Variants in SYT7 observed in about 807,000 individuals in gnomAD.
SYT7 encodes the protein synaptotagmin 7.
SYT7 carries 29 observed loss-of-function variants against 75.1 expected under a neutral mutation model. The observed-to-expected ratio is 0.39, with a 90% CI of 0.29 to 0.53. The LOEUF (loss-of-function observed/expected upper bound fraction) is 0.53. SYT7 is among the 20% of genes least tolerant of loss of function. SYT7 has a pLI of 0.77. For missense variants in SYT7, 693 were observed against 953.2 expected, an observed-to-expected ratio of 0.73 and a Z score of 3.59; for synonymous variants, 376 against 401.7, an observed-to-expected ratio of 0.94 and a Z score of 0.76.
rs1193144880 is a variant in SYT7 at position 61,524,410 on chromosome 11, G to C, written c.1594C>G (p.Gln532Glu). The C allele has an allele frequency of 6.2e-7, 1 of 1,614,150 alleles. No homozygotes were observed. The highest frequency in any genetic ancestry group is 8.5e-7 in the Non-Finnish European group (1 of 1,179,994). ...SIPLNKVDLT[Q>E]MQTFWKDLKP... Reference sequence around the variant, plus strand: ...AGATCCTTCCAGAAGGTCTGCATCTGGGTCAGGTCCACCTTGTTAAGGGGG... The same window carrying C: ...AGATCCTTCCAGAAGGTCTGCATCTCGGTCAGGTCCACCTTGTTAAGGGGG... Residue 532 changes from glutamine (Q) to glutamate (E), a missense_variant, in exon 10 of 13, where the codon CAG (glutamine) becomes GAG (glutamate). Physicochemically the swap from Gln to Glu is conservative, Grantham distance 29 (BLOSUM62 2). This residue lies in a region of SYT7 where 206 missense variants were observed against 360.0 expected (regional missense o/e 0.57). Transcript: ENST00000539008. The surrounding 1 kb of genome is among the most constrained non-coding windows in gnomAD (Gnocchi z 4.1).
rs1029478736 is a variant in SYT7 at position 61,514,085 on chromosome 11, G to A, written c.*4542C>T. Among the ~76,000 whole-genome samples, 2 of 152,158 alleles carry A rather than the reference G, an allele frequency of 1.3e-5. No individual in the cohort carries two copies. The highest frequency in any genetic ancestry group is 2.4e-5 in the African/African-American group (1 of 41,414). On this transcript the variant is annotated 3_prime_UTR_variant, in exon 13 of 13. Transcript: ENST00000539008. ...GGGGTGGGGGAGCATCTCAGAGCAG[G>A]CATGGACGAAGACAGACCCAGAGAA...
chr11:61,569,634 G>A (rs1162936766), intron 1 of SYT7, among the ~76,000 whole-genome samples: 2 of 152,074 alleles, frequency 1.3e-5, no homozygotes, highest in Non-Finnish European at 1.5e-5. Flanking sequence ...AAGTGAGAAG[G>A]TGCCCCAGAA....
chr11:61,584,841 C>T (rs371133742), upstream of SYT7, among the ~76,000 whole-genome samples: 39 of 152,290 alleles, frequency 2.6e-4, 1 homozygote, highest in African/African-American at 8.4e-4. Context: ...TTGGGGAGGG[C>T]CTGAGCCTCT....
chr11:61,521,678 T>C (rs1357023259), intron 12 of SYT7, among the ~76,000 whole-genome samples: 1 of 152,230 alleles, frequency 6.6e-6, no homozygotes, highest in African/African-American at 2.4e-5. Flanking sequence ...CTCCCTTCCC[T>C]GTGGGTATCC....
At chr11:61,573,319 G>A (rs2063976285) in intron 1 of SYT7, among the ~76,000 whole-genome samples, 1 of 152,208 alleles carries the variant, frequency 6.6e-6, no homozygotes, top group Admixed American at 6.5e-5. Context: ...AGGCACCTGG[G>A]AAGCCCCCTC....
At chr11:61,573,071 GA>G (rs61148679) in intron 1 of SYT7, among the ~76,000 whole-genome samples, 4,960 of 151,452 alleles carry the variant, frequency 0.033, 291 homozygotes, top group African/African-American at 0.11. Context: ...TGGGCATGGA[GA>G]GGGGGGGTGG....
At position 61,514,395 on chromosome 11, in the gene SYT7, C is replaced by T. The variant is rs966073474; in HGVS notation, c.*4232G>A. ...TTGGATGGGGTACTTAGTGCAGCTC[C>T]GGGAGGCAGCTGCTGGCCCCAAGTG... is the stretch of plus-strand genomic sequence containing the variant. On this transcript the variant is annotated 3_prime_UTR_variant, in exon 13 of 13. Transcript: ENST00000539008. Among the ~76,000 whole-genome samples the T allele has an allele frequency of 2.0e-5, 3 of 152,190 alleles. No homozygotes were observed. The highest frequency in any genetic ancestry group is 6.5e-5 in the Admixed American group (1 of 15,284).
In SYT7 at chr11:61,546,433, C is replaced by CAGAG. The variant is rs139499352; in HGVS notation, c.348-182_348-179dup. 5.5e-6 allele frequency: 3 copies of CAGAG among 547,272 alleles called. No individual in the cohort carries two copies. The highest frequency in any genetic ancestry group is 4.0e-5 in the African/African-American group (2 of 50,098). 33.9% of individuals were successfully genotyped at this position (547,272 alleles called of 1,614,324 possible). On this transcript the variant is annotated intron_variant, in intron 4 of 12. Transcript: ENST00000539008. The surrounding 1 kb of genome is among the most constrained non-coding windows in gnomAD (Gnocchi z 7.6). ...GAGAGACAGACGGACATGAGACAGACAGAGAGAGAGAGAGAGACATCAGCA... is the reference window on the plus strand; with the variant it reads ...GAGAGACAGACGGACATGAGACAGACAGAGAGAGAGAGAGAGAGAGACATCAGCA...
chr11:61,520,208 T>TC (rs1463432108), intron 12 of SYT7, among the ~76,000 whole-genome samples: 5 of 152,074 alleles, frequency 3.3e-5, no homozygotes, highest in African/African-American at 4.8e-5. Flanking sequence ...GTGTATTTTT[T>TC]TTTTTTTTTA....
chr11:61,532,301 G>A (rs540134314), intron 8 of SYT7, among the ~76,000 whole-genome samples: 1 of 152,142 alleles, frequency 6.6e-6, no homozygotes, highest in African/African-American at 2.4e-5. Context: ...TCTTTGGAAA[G>A]TACAGGTGGG....
the SYT7 span, among the ~76,000 whole-genome samples, chr11:61,587,952 G>T: frequency 3.3e-4 from 50 of 152,344 alleles, 1 homozygote; most frequent in Admixed American, 2.7e-3. Context: ...ACTCTCTGAG[G>T]GATCCCCAAC....
intron 1 of SYT7, among the ~76,000 whole-genome samples, chr11:61,569,282 A>T (rs897596910): frequency 3.3e-5 from 5 of 151,990 alleles, no homozygotes; most frequent in Non-Finnish European, 7.4e-5. Context: ...GGGGTTGTGG[A>T]GGTACTGGGT....
rs961297597 is a variant in SYT7 at position 61,541,178 on chromosome 11, T to G, written c.941+1033A>C. The G allele has an allele frequency of 4.1e-6, 4 of 985,562 alleles. No individual in the cohort carries two copies. The Admixed American group carries it at 2.5e-4, about 61-fold the overall frequency. 61.1% of individuals were successfully genotyped at this position (985,562 alleles called of 1,614,324 possible). ...CTTGCTTGCCTTCAGAATCCCTATA[T>G]CTTGCCAATGCTTCCCTTTCCTCCT... On this transcript the variant is annotated intron_variant, in intron 6 of 12. Coordinates refer to ENST00000539008, the MANE Select transcript of SYT7 (RefSeq NM_001365809.2).
At chr11:61,559,436 G>T (rs1018546645) in intron 1 of SYT7, among the ~76,000 whole-genome samples, 2 of 152,202 alleles carry the variant, frequency 1.3e-5, no homozygotes, top group Non-Finnish European at 1.5e-5. Context: ...GGCCTGATGG[G>T]GAAGGGGCTT....
intron 12 of SYT7, among the ~76,000 whole-genome samples, chr11:61,520,610 A>G (rs1230508222): frequency 1.3e-5 from 2 of 151,816 alleles, no homozygotes; most frequent in African/African-American, 4.8e-5. Context: ...GGATTGCTTG[A>G]GGTCAGGAGT....
At position 61,580,142 on chromosome 11, in the gene SYT7, C is replaced by T. The variant is rs954993115; in HGVS notation, c.31+648G>A. ...GGAGAGAGTTTGGGGTTGTTTGCTTCCCCCTCCCCAAACCTAGGAGAACAT... is the reference window on the plus strand; with the variant it reads ...GGAGAGAGTTTGGGGTTGTTTGCTTTCCCCTCCCCAAACCTAGGAGAACAT... On this transcript the variant is annotated intron_variant, in intron 1 of 12. Coordinates refer to ENST00000539008, the MANE Select transcript of SYT7 (RefSeq NM_001365809.2). The surrounding 1 kb of genome is among the most constrained non-coding windows in gnomAD (Gnocchi z 6.1). Among the ~76,000 whole-genome samples the T allele has an allele frequency of 6.6e-6, 1 of 151,000 alleles. No homozygotes were observed. The highest frequency in any genetic ancestry group is 1.5e-5 in the Non-Finnish European group (1 of 67,768).
chr11:61,540,304 G>T, intron 6 of SYT7: 1 of 177,066 alleles, frequency 5.6e-6, no homozygotes, highest in Non-Finnish European at 1.1e-5. Flanking sequence ...CCTCTCTACT[G>T]GAGCCACCAG....
At position 61,576,008 on chromosome 11, in the gene SYT7, C is replaced by T. The variant is rs376152948; in HGVS notation, c.31+4782G>A. ...CCCGGTCCATTCTATCCCAAGGGGTCCTTCCAGGTGGAGGCTGCAGAGACT... is the reference window on the plus strand; with the variant it reads ...CCCGGTCCATTCTATCCCAAGGGGTTCTTCCAGGTGGAGGCTGCAGAGACT... On this transcript the variant is annotated intron_variant, in intron 1 of 12. Coordinates refer to ENST00000539008, the MANE Select transcript of SYT7 (RefSeq NM_001365809.2). The surrounding 1 kb of genome is among the most constrained non-coding windows in gnomAD (Gnocchi z 4.1). 2.0e-5 allele frequency among the ~76,000 whole-genome samples: 3 copies of T among 152,304 alleles called. No homozygotes were observed. Among genetic ancestry groups the T allele is most frequent in the East Asian group, 3.9e-4 (2 of 5,186 alleles).
At chr11:61,571,594 A>C (rs906772279) in intron 1 of SYT7, among the ~76,000 whole-genome samples, 14 of 152,084 alleles carry the variant, frequency 9.2e-5, no homozygotes, top group Non-Finnish European at 1.9e-4. Flanking sequence ...CGGCACCCCC[A>C]TCCACACTGC....
Sources: gnomAD v4.1 joint callset for allele counts (sites outside exome capture counted in the v4.1 genomes callset) on GRCh38, gnomAD v4.1.1 for gene constraint, gnomAD v4.1.1 regional missense constraint, Gnocchi (gnomAD v3.1) non-coding constraint, MANE v1.5 for transcripts, NCBI Gene and HGNC (gene_info 2026-07-23, HGNC 2026-07-21) for gene names.